PPP1R42: variants seen among roughly 807,000 people sequenced by gnomAD.
PPP1R42 encodes protein phosphatase 1 regulatory subunit 42, also known as leucine rich repeat containing 67.
In PPP1R42, 34 loss-of-function variants were observed where a neutral mutation model predicts 31.0. The ratio of observed to expected loss-of-function variants is 1.10; its 90% CI spans 0.83 to 1.46. PPP1R42 has a LOEUF of 1.46. PPP1R42 is among the 40% of genes most tolerant of loss of function. PPP1R42 has a pLI of 0.00. For missense variants in PPP1R42, 268 were observed against 303.0 expected (o/e 0.88, Z 0.86); for synonymous variants, 103 against 109.8 (o/e 0.94, Z 0.39).
Position 66,984,514 on chromosome 8 carries a change from T to C in PPP1R42, c.671-2334A>G, listed in dbSNP as rs1814942998. The stretch of plus-strand genomic sequence containing the variant: ...CCCAGCATTGGCCTCAATCTTGAAC[T>C]TCTTGGCTGGGGTGCTAAATTTCTA... On this transcript the variant is annotated intron_variant, in intron 6 of 7. Transcript: ENST00000685739. 38 of 1,261,322 alleles carry C rather than the reference T, an allele frequency of 3.0e-5. 1 individual carries two copies. In the South Asian group the frequency reaches 4.4e-4, roughly 15 times the overall value. 78.1% of individuals were successfully genotyped at this position (1,261,322 alleles called of 1,614,324 possible).
chr8:67,028,537 T>TCGG lies in PPP1R42; in HGVS notation c.-134_-132dup. On this transcript the variant is annotated 5_prime_UTR_variant, in exon 1 of 8. Coordinates refer to ENST00000685739, the MANE Select transcript of PPP1R42 (RefSeq NM_001364910.1). Reference sequence around the variant, plus strand: ...GCTAACTCCAGTTTGGTCGGTTTCATCGGCGCCGGGTCCCTACGCAGACCA... The same window carrying TCGG: ...GCTAACTCCAGTTTGGTCGGTTTCATCGGCGGCGCCGGGTCCCTACGCAGACCA... 1.0e-6 allele frequency: 1 copy of TCGG among 985,532 alleles called. No homozygotes were observed. Among genetic ancestry groups the TCGG allele is most frequent in the Non-Finnish European group, 1.2e-6 (1 of 829,962 alleles). 61.0% of individuals were successfully genotyped at this position (985,532 alleles called of 1,614,324 possible).
chr8:66,975,865 TG>T (rs1330534495), intron 7 of PPP1R42, among the ~76,000 whole-genome samples: 1 of 152,158 alleles, frequency 6.6e-6, no homozygotes, highest in African/African-American at 2.4e-5. Flanking sequence ...CATTTCTTTG[TG>T]TTGGCATCAT....
At chr8:66,972,153 C>T (rs1814554647) in intron 7 of PPP1R42, among the ~76,000 whole-genome samples, 1 of 152,096 alleles carries the variant, frequency 6.6e-6, no homozygotes, top group African/African-American at 2.4e-5. Flanking sequence ...TGGACATATA[C>T]AAAAGGATAG....
intron 7 of PPP1R42, among the ~76,000 whole-genome samples, chr8:66,978,631 C>T (rs1360255047): frequency 2.6e-5 from 4 of 151,988 alleles, no homozygotes; most frequent in East Asian, 1.9e-4. Context: ...TTGGCCAGGC[C>T]GTTCCTGAAC....
At chr8:66,980,288 C>T (rs1475167486) in intron 7 of PPP1R42, among the ~76,000 whole-genome samples, 1 of 152,018 alleles carries the variant, frequency 6.6e-6, no homozygotes, top group Non-Finnish European at 1.5e-5. Context: ...AGTGAAGTGG[C>T]ACAATCATGC....
chr8:66,972,204 G>A (rs1473658018), intron 7 of PPP1R42, among the ~76,000 whole-genome samples: 1 of 152,130 alleles, frequency 6.6e-6, no homozygotes, highest in Admixed American at 6.6e-5. Context: ...GGATGTCACT[G>A]CTTTTAAGCC....
intron 1 of PPP1R42, among the ~76,000 whole-genome samples, chr8:67,018,116 TTTTC>T (rs762575860): frequency 2.7e-5 from 4 of 150,318 alleles, no homozygotes; most frequent in Non-Finnish European, 2.9e-5. Context: ...TCTTTTTTTC[TTTTC>T]TTTTTTTTTT....
intron 7 of PPP1R42, among the ~76,000 whole-genome samples, chr8:66,978,163 G>A (rs1814730426): frequency 2.0e-5 from 3 of 152,112 alleles, no homozygotes; most frequent in East Asian, 1.9e-4. Context: ...CCACATGGCT[G>A]GGGAGGCCTC....
At chr8:67,003,678 CT>C (rs1268746264) in intron 5 of PPP1R42, among the ~76,000 whole-genome samples, 1 of 152,192 alleles carries the variant, frequency 6.6e-6, no homozygotes, top group Non-Finnish European at 1.5e-5. Flanking sequence ...CATTTTCCCC[CT>C]ATTGCTGTGG....
At chr8:66,984,088 G>C in intron 6 of PPP1R42, 1 of 1,529,844 alleles carries the variant, frequency 6.5e-7, no homozygotes, top group Admixed American at 1.7e-5. Flanking sequence ...TGAGAGGACA[G>C]AAGAGACAAA....
At chr8:67,023,398 C>T (rs1036901511) in intron 1 of PPP1R42, among the ~76,000 whole-genome samples, 2 of 152,168 alleles carry the variant, frequency 1.3e-5, no homozygotes, top group African/African-American at 2.4e-5. Flanking sequence ...GCATGAGCCA[C>T]CATGCCCAGC....
intron 1 of PPP1R42, among the ~76,000 whole-genome samples, chr8:67,019,757 G>A (rs925749934): frequency 1.3e-5 from 2 of 151,434 alleles, no homozygotes; most frequent in Non-Finnish European, 2.9e-5. Flanking sequence ...GCATGGTGGC[G>A]GGCGCCTGTA....
chr8:67,021,250 G>A (rs879606289), intron 1 of PPP1R42: 19 of 152,030 alleles, frequency 1.2e-4, no homozygotes, highest in African/African-American at 4.6e-4. Flanking sequence ...CTCACACATT[G>A]GCATTACCCA....
chr8:67,011,037 A>G (rs1453700818), intron 4 of PPP1R42, among the ~76,000 whole-genome samples: 1 of 152,046 alleles, frequency 6.6e-6, no homozygotes, highest in Non-Finnish European at 1.5e-5. Flanking sequence ...CATATAACTT[A>G]CCCGTTCTCC....
At chr8:66,974,478 C>A (rs1814618002) in intron 7 of PPP1R42, among the ~76,000 whole-genome samples, 1 of 152,050 alleles carries the variant, frequency 6.6e-6, no homozygotes, top group African/African-American at 2.4e-5. Flanking sequence ...TGCTTGAACC[C>A]AGGAGGCGGA....
chr8:66,967,296 A>C (rs1814409219), intron 7 of PPP1R42, among the ~76,000 whole-genome samples: 1 of 152,182 alleles, frequency 6.6e-6, no homozygotes, highest in Non-Finnish European at 1.5e-5. Context: ...GTTGCTTACC[A>C]CTATTGTGCT....
intron 5 of PPP1R42, among the ~76,000 whole-genome samples, chr8:66,991,904 C>G (rs1255950088): frequency 6.6e-6 from 1 of 152,206 alleles, no homozygotes; most frequent in Non-Finnish European, 1.5e-5. Context: ...GAGACAGAAG[C>G]CGAGATTCTG....
chr8:67,023,682 T>C (rs1266531906), intron 1 of PPP1R42, among the ~76,000 whole-genome samples: 1 of 152,158 alleles, frequency 6.6e-6, no homozygotes, highest in Non-Finnish European at 1.5e-5. Flanking sequence ...TATTGTGTTA[T>C]TGCACTGGCT....
At chr8:67,010,115 G>A (rs1815800671) in intron 5 of PPP1R42, among the ~76,000 whole-genome samples, 1 of 152,194 alleles carries the variant, frequency 6.6e-6, no homozygotes, top group African/African-American at 2.4e-5. Context: ...CCCATTACTA[G>A]TTGATTGTAG....
Sources: allele counts gnomAD v4.1 joint callset (sites outside exome capture counted in the v4.1 genomes callset), GRCh38; gene constraint gnomAD v4.1.1; transcripts MANE v1.5; gene names NCBI Gene and HGNC (gene_info 2026-07-23, HGNC 2026-07-21).